SLC25A12: variants seen among roughly 807,000 people sequenced by gnomAD.
The protein encoded by SLC25A12 is electrogenic aspartate/glutamate antiporter SLC25A12, mitochondrial.
Under a neutral mutation model 83.3 loss-of-function variants are expected in SLC25A12, and 32 were observed. That is an observed-to-expected ratio of 0.38 (90% confidence interval 0.29 to 0.52). SLC25A12 has a LOEUF of 0.52. Among genes scored for constraint, SLC25A12 ranks in the 20% least tolerant of loss-of-function variants. The probability of loss-of-function intolerance (pLI) is 0.84; values close to 1 mark genes in which losing one functional copy is unlikely to be tolerated. For missense variants in SLC25A12, 611 were observed against 835.6 expected, an observed-to-expected ratio of 0.73 and a Z score of 3.31; for synonymous variants, 267 against 291.1, an observed-to-expected ratio of 0.92 and a Z score of 0.84.
At chr2:171,831,048 G>A (rs910352637) in intron 8 of SLC25A12, among the ~76,000 whole-genome samples, 6 of 152,234 alleles carry the variant, frequency 3.9e-5, no homozygotes, top group Admixed American at 1.3e-4. Context: ...ACTGAGCAGC[G>A]AGCTGCGTAG....
intron 3 of SLC25A12, among the ~76,000 whole-genome samples, chr2:171,863,170 T>G (rs1194757876): frequency 6.6e-6 from 1 of 152,160 alleles, no homozygotes; most frequent in Non-Finnish European, 1.5e-5. Context: ...CCCAAAGTGC[T>G]GAGATTACAG....
At chr2:171,868,047 C>A (rs892445400) in intron 3 of SLC25A12, among the ~76,000 whole-genome samples, 10 of 151,988 alleles carry the variant, frequency 6.6e-5, no homozygotes, top group Admixed American at 2.0e-4. Context: ...GGGGTTTCAC[C>A]ATGTTAGCCG....
chr2:171,834,744 T>A lies in SLC25A12; in HGVS notation c.734A>T (p.Asp245Val). 6.2e-7 allele frequency: 1 copy of A among 1,613,660 alleles called. No individual in the cohort carries two copies. The highest frequency in any genetic ancestry group is 1.1e-5 in the South Asian group (1 of 91,088). ...IYSTLAGTRK[D>V]VEVTKEEFAQ... ...AATCTTACCCTTTGTGACTTCAACA[T>A]CTTTCCTTGTGCCAGCTAGAGTGCT... The change falls in exon 7 of 18, where the codon GAT (aspartate) becomes GTT (valine). Residue 245 changes from aspartate (D) to valine (V), a missense_variant. Coordinates refer to ENST00000422440, the MANE Select transcript of SLC25A12 (RefSeq NM_003705.5).
intron 2 of SLC25A12, among the ~76,000 whole-genome samples, chr2:171,884,625 T>A (rs1685773728): frequency 6.6e-6 from 1 of 151,282 alleles, no homozygotes; most frequent in Admixed American, 6.6e-5. Flanking sequence ...ACAAAAAAAA[T>A]TTAGCCAGGT....
chr2:171,859,352 G>C (rs575365894), intron 3 of SLC25A12, among the ~76,000 whole-genome samples: 2 of 152,260 alleles, frequency 1.3e-5, no homozygotes, highest in South Asian at 4.1e-4. Context: ...CATGCCTGTA[G>C]TCCTAGCTAC....
At chr2:171,883,663 C>T (rs1032869572) in intron 2 of SLC25A12, among the ~76,000 whole-genome samples, 5 of 152,124 alleles carry the variant, frequency 3.3e-5, no homozygotes, top group Non-Finnish European at 5.9e-5. Context: ...AAGCTTTGTA[C>T]GTGTGAGCCC....
Position 171,834,850 on chromosome 2 carries a change from T to C in SLC25A12, c.628A>G (p.Ile210Val), listed in dbSNP as rs1464729446. The change falls in exon 7 of 18, where the codon ATC (isoleucine) becomes GTC (valine). Residue 210 changes from isoleucine to valine, a missense_variant. By Grantham distance (29) the Ile-to-Val change is conservative. Around this residue, in one of 3 missense-constraint regions of SLC25A12, gnomAD observed 540 missense variants for 777.5 expected, o/e 0.69. Transcript: ENST00000422440. ...ENLVSAAGGS[I>V]SHQVSFSYFN... ...TAGGAGAAGCTAACCTGGTGTGAGATACTTCCTCCAGCTGCCTAGAAAATG... is the reference window on the plus strand; with the variant it reads ...TAGGAGAAGCTAACCTGGTGTGAGACACTTCCTCCAGCTGCCTAGAAAATG... The C allele has an allele frequency of 2.5e-6, 4 of 1,613,792 alleles. No individual in the cohort carries two copies. Among genetic ancestry groups the C allele is most frequent in the Non-Finnish European group, 3.4e-6 (4 of 1,179,936 alleles).
chr2:171,826,983 T>C, intron 8 of SLC25A12, 101 bp from the exon 9 acceptor site: 1 of 723,404 alleles, frequency 1.4e-6, no homozygotes, highest in African/African-American at 1.8e-5. Flanking sequence ...TGAACTATAG[T>C]TTAAAATCAT....
At chr2:171,800,005 A>T (rs1683676598) in intron 13 of SLC25A12, among the ~76,000 whole-genome samples, 1 of 152,218 alleles carries the variant, frequency 6.6e-6, no homozygotes, top group Admixed American at 6.5e-5. Flanking sequence ...GGTACTTACC[A>T]AAGAGACCAT....
At chr2:171,863,721 G>A (rs1376495635) in intron 3 of SLC25A12, among the ~76,000 whole-genome samples, 1 of 152,084 alleles carries the variant, frequency 6.6e-6, no homozygotes, top group Non-Finnish European at 1.5e-5. Flanking sequence ...TAAATACTCT[G>A]ATAATTTCTA....
chr2:171,837,546 T>G (rs1041130239), intron 5 of SLC25A12, among the ~76,000 whole-genome samples: 9 of 152,186 alleles, frequency 5.9e-5, no homozygotes, highest in African/African-American at 2.2e-4. Context: ...ACTTGACAAG[T>G]TTTCATTACT....
chr2:171,867,451 C>A (rs1248139794), intron 3 of SLC25A12, among the ~76,000 whole-genome samples: 8 of 152,294 alleles, frequency 5.3e-5, no homozygotes, highest in Non-Finnish European at 7.4e-5. Context: ...GCCAACACAG[C>A]GAAACCCCGT....
At position 171,810,288 on chromosome 2, in the gene SLC25A12, G is replaced by A. The variant is rs766101294; in HGVS notation, c.1172-12C>T. The A allele has an allele frequency of 4.4e-5, 71 of 1,610,714 alleles. No individual in the cohort carries two copies. The highest frequency in any genetic ancestry group is 5.4e-5 in the Non-Finnish European group (64 of 1,177,122). ...TTGTGGTATCAGACCTAGGTAAAGG[G>A]ACAGAATCATCAGCAATATAGCTGT... On this transcript the variant is annotated splice_polypyrimidine_tract_variant and intron_variant, in intron 11 of 17. Coordinates refer to ENST00000422440, the MANE Select transcript of SLC25A12 (RefSeq NM_003705.5).
intron 9 of SLC25A12, among the ~76,000 whole-genome samples, chr2:171,823,786 C>T (rs1684241642): frequency 6.6e-6 from 1 of 152,116 alleles, no homozygotes; most frequent in Admixed American, 6.6e-5. Flanking sequence ...TGGCTTAACC[C>T]TGTCTCTACT....
At chr2:171,848,279 G>C in intron 4 of SLC25A12, 1 of 471,100 alleles carries the variant, frequency 2.1e-6, no homozygotes. Context: ...AACTCCTCCT[G>C]TAGGTATACA....
chr2:171,827,176 C>G (rs1284265287), intron 8 of SLC25A12, among the ~76,000 whole-genome samples: 1 of 152,166 alleles, frequency 6.6e-6, no homozygotes, highest in Non-Finnish European at 1.5e-5. Flanking sequence ...TTGACTGTCC[C>G]TACCCACTAA....
chr2:171,834,988 A>G (rs563579254), intron 6 of SLC25A12, 123 bp from the exon 7 acceptor site: 15 of 1,007,830 alleles, frequency 1.5e-5, no homozygotes, highest in South Asian at 1.2e-4. Flanking sequence ...GTTAACAACC[A>G]GTACATAAAT....
intron 15 of SLC25A12, among the ~76,000 whole-genome samples, chr2:171,790,960 A>G (rs1451124591): frequency 6.6e-6 from 1 of 152,174 alleles, no homozygotes; most frequent in African/African-American, 2.4e-5. Context: ...CTTTGGTCTA[A>G]TGAGGGCAAT....
chr2:171,803,326 A>G (rs7584258), intron 13 of SLC25A12, among the ~76,000 whole-genome samples: 31,701 of 152,068 alleles, frequency 0.21, 4,071 homozygotes, highest in East Asian at 0.56. Flanking sequence ...ACAACAAAAG[A>G]AAAAATAGAT....
Sources: gnomAD v4.1 joint callset for allele counts (sites outside exome capture counted in the v4.1 genomes callset) on GRCh38, gnomAD v4.1.1 for gene constraint, gnomAD v4.1.1 regional missense constraint, MANE v1.5 for transcripts, NCBI Gene and HGNC (gene_info 2026-07-23, HGNC 2026-07-21) for gene names.